Variants in MYO10 observed in about 807,000 individuals in gnomAD.
MYO10 encodes myosin X.
Under a neutral mutation model 257.3 loss-of-function variants are expected in MYO10, and 133 were observed. The ratio of observed to expected loss-of-function variants is 0.52; its 90% CI spans 0.45 to 0.60. The LOEUF is 0.60. MYO10 is among the 20% of genes least tolerant of loss of function. MYO10 has a pLI of 0.00. For missense variants in MYO10, 2,399 were observed against 2,635.7 expected (o/e 0.91, Z 1.97); for synonymous variants, 1,104 against 1,028.6 (o/e 1.07, Z -1.40).
rs1320925354 is a variant in MYO10 at position 16,761,486 on chromosome 5, G to C, written c.1717C>G (p.Leu573Val). The change falls in exon 17 of 41, where the codon CTC becomes GTC. Residue 573 changes from leucine (L) to valine (V), a missense_variant. Around this residue, in one of 3 missense-constraint regions of MYO10, gnomAD observed 1,820 missense variants for 1,939.4 expected, o/e 0.94. Coordinates refer to ENST00000513610, the MANE Select transcript of MYO10 (RefSeq NM_012334.3). Reference sequence around the variant, plus strand: ...TACCGGCTTTCTCTTAGCAAATTGAGAAGGTCATCTCGAAATGTATCTCTG... The same window carrying C: ...TACCGGCTTTCTCTTAGCAAATTGACAAGGTCATCTCGAAATGTATCTCTG... ...KNRDTFRDDL[L>V]NLLRESRFDF... The C allele has an allele frequency of 1.9e-6, 3 of 1,613,170 alleles. No individual in the cohort carries two copies. In the African/African-American group the frequency reaches 4.0e-5, roughly 22 times the overall value.
intron 1 of MYO10, chr5:16,902,407 C>A: frequency 1.7e-6 from 2 of 1,211,702 alleles, no homozygotes. Context: ...TTGCTGAGAA[C>A]TGCACAACTC....
At chr5:16,754,210 A>G (rs1740463096) in intron 19 of MYO10, among the ~76,000 whole-genome samples, 1 of 152,194 alleles carries the variant, frequency 6.6e-6, no homozygotes. Context: ...GCGACTGCAT[A>G]TATCTAACAC....
Position 16,663,336 on chromosome 5 carries a change from T to G in MYO10, c.*3356A>C, listed in dbSNP as rs1301392770. ...ACATTTTACTTCTAGTTGTTTTTTT[T>G]TTTTTTTTTTTTTTTTTTTTTTTTT... On this transcript the variant is annotated 3_prime_UTR_variant, in exon 41 of 41. Transcript: ENST00000513610. The G allele has an allele frequency of 8.4e-5, 3 of 35,792 alleles. No individual in the cohort carries two copies. The highest frequency in any genetic ancestry group is 1.6e-4 in the African/African-American group (2 of 12,310). 2.2% of individuals were successfully genotyped at this position (35,792 alleles called of 1,614,324 possible).
At chr5:16,851,268 T>A (rs1293305063) in intron 2 of MYO10, among the ~76,000 whole-genome samples, 3 of 152,190 alleles carry the variant, frequency 2.0e-5, no homozygotes, top group Admixed American at 2.0e-4. Flanking sequence ...CACATTTTTT[T>A]AAGAAAAAGT....
Position 16,702,942 on chromosome 5 carries a change from TTTC to T in MYO10, c.2490_2492del (p.Lys831del), listed in dbSNP as rs771815490. On this transcript the variant is annotated inframe_deletion, in exon 23 of 41. Transcript: ENST00000513610. ...TACTGTACCTTTCTTCTTCCTCCCG[TTTC>T]TTCTTTTCTTCCTCTTCCTGTTTCT... 9 of 1,551,552 alleles carry T rather than the reference TTTC, an allele frequency of 5.8e-6. No individual in the cohort carries two copies. The highest frequency in any genetic ancestry group is 7.8e-6 in the Non-Finnish European group (9 of 1,146,958).
chr5:16,671,119 CCT>C (rs1736438669), intron 38 of MYO10, 141 bp from the exon 39 acceptor site: 3 of 825,212 alleles, frequency 3.6e-6, no homozygotes, highest in Non-Finnish European at 5.6e-6. Flanking sequence ...TACCCTCACC[CCT>C]GGCTCACTGC....
intron 31 of MYO10, 21 bp from the exon 32 acceptor site, chr5:16,681,524 G>A (rs761699188): frequency 2.0e-5 from 31 of 1,585,828 alleles, no homozygotes; most frequent in Non-Finnish European, 2.4e-5. Flanking sequence ...AGATTAAAGT[G>A]TAAATTAAAA....
At chr5:16,784,730 T>C (rs1014107756) in intron 4 of MYO10, among the ~76,000 whole-genome samples, 1 of 152,216 alleles carries the variant, frequency 6.6e-6, no homozygotes, top group Non-Finnish European at 1.5e-5. Flanking sequence ...AGAGAAGTCC[T>C]GTGGAGTACC....
rs1737404132 is a variant in MYO10, at chr5:16,689,667, G to T, written c.3896+157C>A. 2.0e-5 allele frequency among the ~76,000 whole-genome samples: 3 copies of T among 150,574 alleles called. No homozygotes were observed. In the Admixed American group the frequency reaches 2.0e-4, roughly 10 times the overall value. ...TTTGCCCAGGGAAAGATTCCCCAAG[G>T]GACAAGTGCATCAATCTCGTATGAC... On this transcript the variant is annotated intron_variant, in intron 28 of 40. Transcript: ENST00000513610.
intron 19 of MYO10, among the ~76,000 whole-genome samples, chr5:16,714,644 C>G (rs1361803858): frequency 1.3e-5 from 2 of 152,104 alleles, no homozygotes; most frequent in Admixed American, 1.3e-4. Flanking sequence ...AGGGTGAAAC[C>G]CCGTCTCTAC....
At chr5:16,715,911 C>G (rs1487228634) in intron 19 of MYO10, among the ~76,000 whole-genome samples, 1 of 151,976 alleles carries the variant, frequency 6.6e-6, no homozygotes, top group Admixed American at 6.6e-5. Flanking sequence ...CAAAAATCAG[C>G]CGAGTGTGGT....
chr5:16,726,695 T>C (rs1423890816), intron 19 of MYO10, among the ~76,000 whole-genome samples: 1 of 152,182 alleles, frequency 6.6e-6, no homozygotes, highest in Non-Finnish European at 1.5e-5. Flanking sequence ...TACTTCCTGG[T>C]ACATATTTCC....
intron 2 of MYO10, among the ~76,000 whole-genome samples, chr5:16,842,926 GAAAAAAA>G (rs36097603): frequency 1.6e-5 from 2 of 125,472 alleles, no homozygotes; most frequent in Admixed American, 8.0e-5. Context: ...AAAGAAAAAG[GAAAAAAA>G]AAAAAAAAGG....
At chr5:16,719,756 G>T (rs55739905) in intron 19 of MYO10, among the ~76,000 whole-genome samples, 6,325 of 152,198 alleles carry the variant, frequency 0.042, 321 homozygotes, top group African/African-American at 0.12. Flanking sequence ...CAGAGGTCAG[G>T]AGTTCGAGAC....
intron 3 of MYO10, among the ~76,000 whole-genome samples, chr5:16,797,794 C>G (rs956557120): frequency 1.2e-4 from 18 of 152,210 alleles, no homozygotes; most frequent in Non-Finnish European, 2.1e-4. Flanking sequence ...AGGGGAATGA[C>G]TGCTTCACTG....
At chr5:16,880,867 C>G (rs1744738200) in intron 1 of MYO10, among the ~76,000 whole-genome samples, 2 of 152,200 alleles carry the variant, frequency 1.3e-5, no homozygotes, top group South Asian at 4.1e-4. Flanking sequence ...CATACCCAAG[C>G]CACATTATTT....
intron 2 of MYO10, among the ~76,000 whole-genome samples, chr5:16,868,973 A>G (rs1055313947): frequency 1.1e-4 from 17 of 152,190 alleles, no homozygotes; most frequent in African/African-American, 4.1e-4. Flanking sequence ...ACTGAATGAA[A>G]TAAGAAAGCA....
At chr5:16,888,388 T>C (rs1179433799) in intron 1 of MYO10, among the ~76,000 whole-genome samples, 1 of 151,666 alleles carries the variant, frequency 6.6e-6, no homozygotes, top group Non-Finnish European at 1.5e-5. Flanking sequence ...AATTAAAAAA[T>C]TACTCAAGAC....
At chr5:16,787,390 G>A (rs906267723) in intron 4 of MYO10, among the ~76,000 whole-genome samples, 4 of 151,932 alleles carry the variant, frequency 2.6e-5, no homozygotes, top group Admixed American at 1.3e-4. Context: ...CAGATGTCCC[G>A]AGATACTAAT....
Sources: gnomAD v4.1 joint callset for allele counts (sites outside exome capture counted in the v4.1 genomes callset) on GRCh38, gnomAD v4.1.1 for gene constraint, gnomAD v4.1.1 regional missense constraint, MANE v1.5 for transcripts, NCBI Gene and HGNC (gene_info 2026-07-23, HGNC 2026-07-21) for gene names.